The following NOD2 variants were observed in gnomAD, a reference collection of about 807,000 sequenced individuals.
The protein encoded by NOD2 is nucleotide-binding oligomerization domain-containing protein 2.
A neutral mutation model predicts 90.9 loss-of-function variants in NOD2; 86 were observed. The observed-to-expected ratio is 0.95, with a 90% confidence interval of 0.79 to 1.13. NOD2 has a LOEUF of 1.13. NOD2 is among the 50% of genes most tolerant of loss of function. The probability of loss-of-function intolerance (pLI) is 0.00; values close to 1 mark genes in which losing one functional copy is unlikely to be tolerated. For missense variants in NOD2, 1,238 were observed against 1,283.8 expected (o/e 0.96, Z 0.55); for synonymous variants, 581 against 554.6 (o/e 1.05, Z -0.67).
chr16:50,704,824 A>G (rs1269118355), intron 2 of NOD2, among the ~76,000 whole-genome samples: 1 of 152,078 alleles, frequency 6.6e-6, no homozygotes, highest in Non-Finnish European at 1.5e-5. Flanking sequence ...AGCCTCCAAA[A>G]CCATTTTAAA....
chr16:50,725,626 G>T, intron 10 of NOD2, 54 bp downstream of exon 10: 1 of 1,399,386 alleles, frequency 7.1e-7, no homozygotes, highest in Non-Finnish European at 1.0e-6. Context: ...TTTGGAAGGG[G>T]CATTTCTGAA....
At chr16:50,727,583 T>C (rs1191273655) in intron 10 of NOD2, 2 of 292,280 alleles carry the variant, frequency 6.8e-6, no homozygotes, top group East Asian at 1.9e-4. Flanking sequence ...GAAGCATTTT[T>C]CCTGCAGAAA....
rs542474763 is a variant in NOD2 at position 50,722,838 on chromosome 16, C to A, written c.2717+133C>A. ...TAGGCAATGGAGTAAGGAAAAAAGA[C>A]CATTGGATTTCAAGAGAGGACACTC... On this transcript the variant is annotated intron_variant, in intron 8 of 11. Transcript: ENST00000647318. 8.2e-6 allele frequency: 7 copies of A among 857,860 alleles called. No homozygotes were observed. In the Admixed American group the frequency reaches 1.3e-4, roughly 16 times the overall value. 53.1% of individuals were successfully genotyped at this position (857,860 alleles called of 1,614,324 possible).
chr16:50,698,925 C>G (rs566696957), intron 1 of NOD2, among the ~76,000 whole-genome samples: 4 of 149,364 alleles, frequency 2.7e-5, no homozygotes, highest in Non-Finnish European at 5.9e-5. Flanking sequence ...CTCTCTCTCT[C>G]TGTCTTTTTT....
chr16:50,711,769 G>A lies in NOD2; in HGVS notation c.1777G>A (p.Asp593Asn). ...FAAFYLALSA[D>N]VPPALLRHLF... ...CGCGTTCTACCTGGCACTCAGTGCT[G>A]ATGTGCCACCAGCTTTGCTCAGACA... Residue 593 changes from aspartate (D) to asparagine (N), a missense_variant, in exon 4 of 12, where the codon GAT becomes AAT. This residue lies in a region of NOD2 where 667 missense variants were observed against 688.7 expected (regional missense o/e 0.97). Transcript: ENST00000647318. 1 of 1,614,226 alleles carries A rather than the reference G, an allele frequency of 6.2e-7. No individual in the cohort carries two copies. The highest frequency in any genetic ancestry group is 8.5e-7 in the Non-Finnish European group (1 of 1,180,050).
chr16:50,717,221 C>T (rs1224785306), intron 6 of NOD2, among the ~76,000 whole-genome samples: 1 of 152,220 alleles, frequency 6.6e-6, no homozygotes, highest in Admixed American at 6.5e-5. Flanking sequence ...CTTTTCTAGG[C>T]CCCTTTCCTT....
intron 7 of NOD2, 73 bp downstream of exon 7, chr16:50,720,081 ACT>A (rs1461084381): frequency 7.8e-6 from 11 of 1,407,980 alleles, no homozygotes; most frequent in Non-Finnish European, 1.1e-5. Context: ...GGCAGGTGAA[ACT>A]CTTCAGCCAG....
In NOD2 at chr16:50,722,669, A is replaced by C; in HGVS notation, c.2681A>C (p.Glu894Ala). The change falls in exon 8 of 12, where the codon GAA becomes GCA. Residue 894 changes from glutamate (E) to alanine (A), a missense_variant. Physicochemically the swap from Glu to Ala is moderately radical, Grantham distance 107 (BLOSUM62 -1). Around this residue, in one of 3 missense-constraint regions of NOD2, gnomAD observed 667 missense variants for 688.7 expected, o/e 0.97. Transcript: ENST00000647318. ...GACGAGGGGGCCCAGGCCCTGGCTG[A>C]AGCCTTGGGTGATCACCAGAGCTTG... is the stretch of plus-strand genomic sequence containing the variant. ...VGDEGAQALA[E>A]ALGDHQSLRW... is the part of the protein sequence containing the mutation. 1 of 1,614,228 alleles carries C rather than the reference A, an allele frequency of 6.2e-7. No individual in the cohort carries two copies. Among genetic ancestry groups the C allele is most frequent in the South Asian group, 1.1e-5 (1 of 91,092 alleles).
chr16:50,703,690 A>C (rs2150790890), intron 2 of NOD2, among the ~76,000 whole-genome samples: 1 of 151,896 alleles, frequency 6.6e-6, no homozygotes, highest in South Asian at 2.1e-4. Context: ...TCTCAAAAAA[A>C]AAAAAAAAAA....
At chr16:50,702,430 C>G (rs1304708727) in intron 2 of NOD2, among the ~76,000 whole-genome samples, 1 of 152,190 alleles carries the variant, frequency 6.6e-6, no homozygotes, top group Non-Finnish European at 1.5e-5. Flanking sequence ...TCTGAGCTCC[C>G]TTTGAGCTCT....
In NOD2 at chr16:50,719,941, A is replaced by C. The variant is rs146276010; in HGVS notation, c.2566A>C (p.Ile856Leu). The C allele has an allele frequency of 5.6e-6, 9 of 1,613,994 alleles. No individual in the cohort carries two copies. The African/African-American group carries it at 1.1e-4, about 19-fold the overall frequency. ...FLALRLGNNYITAAGAQVLAE... is the reference protein window; with the variant it reads ...FLALRLGNNYLTAAGAQVLAE... ...CCCTTCCAGGCTGGGGAATAACTAC[A>C]TCACTGCCGCGGGAGCCCAAGTGCT... Residue 856 changes from isoleucine (I) to leucine (L), a missense_variant, in exon 7 of 12, where the codon ATC becomes CTC. Coordinates refer to ENST00000647318, the MANE Select transcript of NOD2 (RefSeq NM_001370466.1).
At chr16:50,707,117 T>C (rs1028894287) in intron 2 of NOD2, among the ~76,000 whole-genome samples, 3 of 152,272 alleles carry the variant, frequency 2.0e-5, no homozygotes, top group East Asian at 1.9e-4. Flanking sequence ...TTAAAAAATA[T>C]GTCTGTTAGA....
chr16:50,710,777 A>ATGAC lies in NOD2; in HGVS notation c.786_789dup (p.Asp264Ter). 1 of 1,614,050 alleles carries ATGAC rather than the reference A, an allele frequency of 6.2e-7. No homozygotes were observed. The highest frequency in any genetic ancestry group is 1.3e-5 in the African/African-American group (1 of 75,044). ...CTCTTCAGCACCCCTGGCCACCTCAATGACGATGCGGACACTGTGCTGGTG... is the reference window on the plus strand; with the variant it reads ...CTCTTCAGCACCCCTGGCCACCTCAATGACTGACGATGCGGACACTGTGCTGGTG... On this transcript the variant is annotated frameshift_variant, in exon 4 of 12. Coordinates refer to ENST00000647318, the MANE Select transcript of NOD2 (RefSeq NM_001370466.1). LOFTEE classifies it high-confidence loss of function.
chr16:50,693,817 T>G (rs1016263197), intron 1 of NOD2, among the ~76,000 whole-genome samples, 155 bp downstream of exon 1: 3 of 151,970 alleles, frequency 2.0e-5, no homozygotes, highest in Non-Finnish European at 4.4e-5. Context: ...AGTCCCAGAA[T>G]GTAGATGGGA....
At chr16:50,709,585 G>T (rs370488756) in intron 3 of NOD2, among the ~76,000 whole-genome samples, 3 of 152,352 alleles carry the variant, frequency 2.0e-5, no homozygotes, top group East Asian at 1.9e-4. Flanking sequence ...GGATGGGGAA[G>T]TGGAGGCAGG....
At chr16:50,701,633 T>G (rs1244426712) in intron 2 of NOD2, among the ~76,000 whole-genome samples, 1 of 152,204 alleles carries the variant, frequency 6.6e-6, no homozygotes, top group Non-Finnish European at 1.5e-5. Flanking sequence ...TCTTGTCATC[T>G]TTAAAAGTTC....
chr16:50,700,112 G>A (rs1285332185), intron 2 of NOD2, among the ~76,000 whole-genome samples, 158 bp downstream of exon 2: 1 of 152,102 alleles, frequency 6.6e-6, no homozygotes, highest in Admixed American at 6.5e-5. Flanking sequence ...CTTGACTCTT[G>A]GCAGGAAACG....
chr16:50,721,359 T>G (rs1596897057), intron 7 of NOD2, among the ~76,000 whole-genome samples: 1 of 116,912 alleles, frequency 8.6e-6, no homozygotes, highest in Non-Finnish European at 1.7e-5. Context: ...GTTCTGTAAC[T>G]TGCTTGGTTT....
intron 6 of NOD2, 138 bp from the exon 7 acceptor site, chr16:50,719,787 G>C: frequency 1.3e-6 from 1 of 793,490 alleles, no homozygotes; most frequent in South Asian, 1.3e-5. Flanking sequence ...ACCTAGCAGC[G>C]AGGGCACCTG....
Sources: gnomAD v4.1 joint callset for allele counts (sites outside exome capture counted in the v4.1 genomes callset) on GRCh38, gnomAD v4.1.1 for gene constraint, gnomAD v4.1.1 regional missense constraint, MANE v1.5 for transcripts, NCBI Gene and HGNC (gene_info 2026-07-23, HGNC 2026-07-21) for gene names.